ATF6: variants seen among roughly 807,000 people sequenced by gnomAD.
The protein encoded by ATF6 is cyclic AMP-dependent transcription factor ATF-6 alpha.
Under a neutral mutation model 83.6 loss-of-function variants are expected in ATF6, and 53 were observed. That is an observed-to-expected ratio of 0.63 (90% CI 0.51 to 0.80). The LOEUF is 0.80. Among genes scored for constraint, ATF6 ranks in the 30% least tolerant of loss-of-function variants. The pLI is 0.00. For synonymous variants in ATF6, 288 were observed against 285.8 expected (o/e 1.01, Z -0.08); for missense variants, 744 against 797.9 (o/e 0.93, Z 0.81).
intron 14 of ATF6, among the ~76,000 whole-genome samples, chr1:161,908,724 C>T (rs768544163): frequency 4.6e-5 from 7 of 152,062 alleles, no homozygotes; most frequent in Admixed American, 6.5e-5. Context: ...GTGACAGTGC[C>T]GAAATATATT....
At chr1:161,903,599 C>A (rs888292379) in intron 14 of ATF6, among the ~76,000 whole-genome samples, 1 of 151,980 alleles carries the variant, frequency 6.6e-6, no homozygotes, top group African/African-American at 2.4e-5. Context: ...CTTTTTGGTC[C>A]CTTTTTTTAA....
intron 14 of ATF6, among the ~76,000 whole-genome samples, chr1:161,889,206 C>T (rs116521943): frequency 0.011 from 1,645 of 152,304 alleles, 23 homozygotes; most frequent in Non-Finnish European, 0.017. Flanking sequence ...TCCCCAAGTT[C>T]CCTTTCAGGA....
intron 14 of ATF6, 79 bp from the exon 15 acceptor site, chr1:161,912,217 T>C: frequency 1.2e-6 from 1 of 860,952 alleles, no homozygotes; most frequent in Non-Finnish European, 1.7e-6. Flanking sequence ...AATATTGACC[T>C]CTTAGAAGCC....
At chr1:161,831,060 G>T (rs1354275550) in intron 9 of ATF6, among the ~76,000 whole-genome samples, 3 of 152,142 alleles carry the variant, frequency 2.0e-5, no homozygotes, top group African/African-American at 7.2e-5. Context: ...CTGACAAAGG[G>T]CTGATATCCA....
chr1:161,896,865 T>C (rs962737819), intron 14 of ATF6, among the ~76,000 whole-genome samples: 1 of 152,186 alleles, frequency 6.6e-6, no homozygotes, highest in Non-Finnish European at 1.5e-5. Context: ...ATCAGAGATA[T>C]ATATGGCAGC....
At chr1:161,792,388 T>A (rs1311916552) in intron 6 of ATF6, 61 bp downstream of exon 6, 1 of 1,481,232 alleles carries the variant, frequency 6.8e-7, no homozygotes, top group Non-Finnish European at 9.3e-7. Context: ...GGTTGTGTCA[T>A]ATGATTTGTT....
chr1:161,813,514 T>A (rs1685526333), intron 7 of ATF6, among the ~76,000 whole-genome samples: 1 of 152,218 alleles, frequency 6.6e-6, no homozygotes, highest in African/African-American at 2.4e-5. Context: ...TTAACCTCTC[T>A]TTCTCTCTTA....
chr1:161,792,348 G>T (rs1424216093), intron 6 of ATF6, 21 bp downstream of exon 6: 12 of 1,604,206 alleles, frequency 7.5e-6, no homozygotes, highest in Non-Finnish European at 1.0e-5. Context: ...AGAATTTAAG[G>T]CTGTGTAAAT....
At chr1:161,952,564 A>AT (rs1268459539) in intron 15 of ATF6, among the ~76,000 whole-genome samples, 9 of 150,818 alleles carry the variant, frequency 6.0e-5, no homozygotes, top group Non-Finnish European at 8.9e-5. Flanking sequence ...TGAGGACAGG[A>AT]TTTTTTTTTC....
rs780686060 is a variant in ATF6, at chr1:161,778,278, A to T, written c.117A>T (p.Thr39=). 1.2e-6 allele frequency: 2 copies of T among 1,613,722 alleles called. No individual in the cohort carries two copies. The highest frequency in any genetic ancestry group is 1.7e-6 in the Non-Finnish European group (2 of 1,179,862). The change falls in exon 2 of 16, where the codon ACA becomes ACT. Residue 39 remains threonine (T), a synonymous_variant. Transcript: ENST00000367942. ...SALFAELGYF[T]DTDELQLEAA... ...TCTTTGCTGAACTCGGTTATTTCACAGACACTGATGAGCTGCAATTGGAAG... is the reference window on the plus strand; with the variant it reads ...TCTTTGCTGAACTCGGTTATTTCACTGACACTGATGAGCTGCAATTGGAAG...
At chr1:161,795,334 A>G (rs904418363) in intron 6 of ATF6, among the ~76,000 whole-genome samples, 6 of 152,152 alleles carry the variant, frequency 3.9e-5, no homozygotes, top group Non-Finnish European at 5.9e-5. Flanking sequence ...AGTTCTTACT[A>G]TGTGCCAGAC....
At position 161,802,237 on chromosome 1, in the gene ATF6, G is replaced by A. The variant is rs1455009152; in HGVS notation, c.874G>A (p.Val292Ile). The A allele has an allele frequency of 6.2e-7, 1 of 1,613,864 alleles. No homozygotes were observed. Among genetic ancestry groups the A allele is most frequent in the African/African-American group, 1.3e-5 (1 of 74,890 alleles). ...TGGAAAACTTTCCGTGACTAAACCTGTCCTACAAAGTACCATGAGAAATGT... is the reference window on the plus strand; with the variant it reads ...TGGAAAACTTTCCGTGACTAAACCTATCCTACAAAGTACCATGAGAAATGT... ...VNGKLSVTKP[V>I]LQSTMRNVGS... The change falls in exon 7 of 16, where the codon GTC becomes ATC. Residue 292 changes from valine to isoleucine, a missense_variant. Physicochemically the swap from Val to Ile is conservative, Grantham distance 29. Coordinates refer to ENST00000367942, the MANE Select transcript of ATF6 (RefSeq NM_007348.4).
intron 9 of ATF6, among the ~76,000 whole-genome samples, chr1:161,837,529 A>G (rs188974697): frequency 2.0e-5 from 3 of 152,138 alleles, no homozygotes; most frequent in East Asian, 1.9e-4. Flanking sequence ...CAGACGATCT[A>G]TGTACCTTAT....
At chr1:161,929,018 A>C (rs1177829720) in intron 15 of ATF6, among the ~76,000 whole-genome samples, 1 of 152,194 alleles carries the variant, frequency 6.6e-6, no homozygotes, top group Non-Finnish European at 1.5e-5. Context: ...ACCTTTGAAA[A>C]CAGTCAATGT....
intron 14 of ATF6, among the ~76,000 whole-genome samples, chr1:161,894,227 G>GTTTT (rs11304307): frequency 8.1e-6 from 1 of 124,024 alleles, no homozygotes; most frequent in Non-Finnish European, 1.8e-5. Context: ...TTGAGCAGGT[G>GTTTT]TTTTTTTTTT....
At chr1:161,797,581 A>G (rs1685050328) in intron 6 of ATF6, among the ~76,000 whole-genome samples, 1 of 152,228 alleles carries the variant, frequency 6.6e-6, no homozygotes, top group South Asian at 2.1e-4. Flanking sequence ...AGCCAAAAAA[A>G]GAATATAAAG....
At chr1:161,799,674 G>A (rs1571141605) in intron 6 of ATF6, among the ~76,000 whole-genome samples, 1 of 152,152 alleles carries the variant, frequency 6.6e-6, no homozygotes, top group Admixed American at 6.5e-5. Flanking sequence ...TTAATACATT[G>A]TATCTACTCC....
chr1:161,829,464 A>G (rs1685992408), intron 9 of ATF6, among the ~76,000 whole-genome samples: 2 of 152,106 alleles, frequency 1.3e-5, no homozygotes, highest in African/African-American at 4.8e-5. Context: ...CATTCTTCTC[A>G]GCACCACATC....
intron 15 of ATF6, among the ~76,000 whole-genome samples, chr1:161,914,697 C>T (rs1307931533): frequency 3.3e-5 from 5 of 152,212 alleles, no homozygotes; most frequent in African/African-American, 4.8e-5. Context: ...TACAAGTCTA[C>T]AGTCCTTTGA....
Sources: gnomAD v4.1 joint callset for allele counts (sites outside exome capture counted in the v4.1 genomes callset) on GRCh38, gnomAD v4.1.1 for gene constraint, MANE v1.5 for transcripts, NCBI Gene and HGNC (gene_info 2026-07-23, HGNC 2026-07-21) for gene names.